SEMA6D: variants seen among roughly 807,000 people sequenced by gnomAD.
SEMA6D encodes semaphorin-6D.
A neutral mutation model predicts 106.6 loss-of-function variants in SEMA6D; 35 were observed. That is an observed-to-expected ratio of 0.33 (90% confidence interval 0.25 to 0.44). SEMA6D has a LOEUF of 0.44. Ranked by LOEUF, SEMA6D falls within the 20% of genes least tolerant of loss-of-function variation. The pLI, the probability that SEMA6D is intolerant of heterozygous loss-of-function variation, is 1.00. For missense variants in SEMA6D, 1,185 were observed against 1,345.9 expected (o/e 0.88, Z 1.87); for synonymous variants, 499 against 487.7 (o/e 1.02, Z -0.31).
At position 47,302,677 on chromosome 15, in the gene SEMA6D, G is replaced by A. The variant is rs192786675; in HGVS notation, c.-238-109716G>A. On this transcript the variant is annotated intron_variant, in intron 1 of 19. Coordinates refer to the SEMA6D transcript ENST00000558014. ...GAAGCAACGCTAGAGAGATACAGTA[G>A]GAGAAGGATTCAACTTGTCTTCGAC... Among the ~76,000 whole-genome samples, 12 of 152,286 alleles carry A rather than the reference G, an allele frequency of 7.9e-5. No individual in the cohort carries two copies. In the East Asian group the frequency reaches 2.3e-3, roughly 29 times the overall value.
chr15:47,184,745 C>T (rs1893429245), intron 1 of SEMA6D, among the ~76,000 whole-genome samples: 1 of 152,242 alleles, frequency 6.6e-6, no homozygotes, highest in African/African-American at 2.4e-5. Context: ...GTGGCCCCAC[C>T]TCTTGCCCCC....
chr15:47,632,114 T>G (rs1438246305), intron 4 of SEMA6D, among the ~76,000 whole-genome samples: 1 of 148,200 alleles, frequency 6.7e-6, no homozygotes, highest in Non-Finnish European at 1.5e-5. Context: ...CTGTTTTTTG[T>G]TTTTTAGATT....
intron 1 of SEMA6D, chr15:47,338,975 T>C (rs1168428942): frequency 6.6e-6 from 1 of 152,206 alleles, no homozygotes; most frequent in East Asian, 1.9e-4. Context: ...AGACAGACTT[T>C]GCTGGGTTTA....
At chr15:47,709,921 C>T (rs181457232) in intron 4 of SEMA6D, among the ~76,000 whole-genome samples, 2 of 151,558 alleles carry the variant, frequency 1.3e-5, no homozygotes, top group East Asian at 3.9e-4. Context: ...TTGATTGTTC[C>T]TTTATTACAT....
chr15:47,425,071 T>G (rs1050034763), intron 2 of SEMA6D, among the ~76,000 whole-genome samples: 3 of 152,104 alleles, frequency 2.0e-5, no homozygotes, highest in Non-Finnish European at 4.4e-5. Flanking sequence ...TGAACTTGTC[T>G]TATTATGCAG....
At chr15:47,567,858 T>C (rs577961940) in intron 3 of SEMA6D, among the ~76,000 whole-genome samples, 31 of 152,218 alleles carry the variant, frequency 2.0e-4, no homozygotes, top group African/African-American at 7.2e-4. Context: ...AAAGAATGAA[T>C]GAATGAAATC....
chr15:47,446,347 C>T (rs571661365), intron 2 of SEMA6D, among the ~76,000 whole-genome samples: 12 of 152,216 alleles, frequency 7.9e-5, no homozygotes, highest in Middle Eastern at 3.4e-3. Flanking sequence ...CTGTTCTTTG[C>T]GGGTCCCAAG....
chr15:47,268,023 G>A (rs1196800829), intron 1 of SEMA6D, among the ~76,000 whole-genome samples: 2 of 152,048 alleles, frequency 1.3e-5, no homozygotes, highest in Middle Eastern at 3.2e-3. Flanking sequence ...ATATACTGGT[G>A]TTATCTGGAA....
intron 1 of SEMA6D, among the ~76,000 whole-genome samples, chr15:47,316,243 C>T (rs1423354998): frequency 6.6e-6 from 1 of 151,758 alleles, no homozygotes; most frequent in Admixed American, 6.6e-5. Context: ...CAGGCACCCG[C>T]CACCACGCCT....
At chr15:47,569,826 C>A (rs1355763044) in intron 3 of SEMA6D, among the ~76,000 whole-genome samples, 2 of 152,218 alleles carry the variant, frequency 1.3e-5, no homozygotes, top group African/African-American at 4.8e-5. Flanking sequence ...TTTGGGAGAA[C>A]AAGGCGGGTG....
At chr15:47,569,949 T>C (rs1184588849) in intron 3 of SEMA6D, among the ~76,000 whole-genome samples, 1 of 151,566 alleles carries the variant, frequency 6.6e-6, no homozygotes, top group African/African-American at 2.4e-5. Context: ...TAATCCCAGC[T>C]ACTCAGGAGG....
intron 1 of SEMA6D, among the ~76,000 whole-genome samples, chr15:47,750,189 C>T (rs1273723446): frequency 2.0e-5 from 3 of 151,992 alleles, no homozygotes; most frequent in Non-Finnish European, 2.9e-5. Context: ...AGGGGAATGG[C>T]TGTTTGTTTA....
intron 3 of SEMA6D, among the ~76,000 whole-genome samples, chr15:47,529,618 A>AAAAC (rs1316089667): frequency 5.9e-5 from 9 of 151,482 alleles, no homozygotes; most frequent in Admixed American, 4.6e-4. Context: ...AAAAAAAAAA[A>AAAAC]AACAAGTCAT....
chr15:47,704,235 C>A (rs931729308), intron 4 of SEMA6D, among the ~76,000 whole-genome samples: 7 of 152,112 alleles, frequency 4.6e-5, no homozygotes, highest in Admixed American at 4.6e-4. Flanking sequence ...ATGCTCCCTC[C>A]TCAGCCTCCC....
At chr15:47,639,472 A>G (rs2077450837) in intron 4 of SEMA6D, among the ~76,000 whole-genome samples, 1 of 152,266 alleles carries the variant, frequency 6.6e-6, no homozygotes, top group South Asian at 2.1e-4. Flanking sequence ...CAAATAATTA[A>G]TGGAGGTTCT....
intron 2 of SEMA6D, among the ~76,000 whole-genome samples, chr15:47,436,651 C>T (rs1595991010): frequency 6.7e-6 from 1 of 150,308 alleles, no homozygotes; most frequent in Non-Finnish European, 1.5e-5. Flanking sequence ...ATATTTTAGG[C>T]TGGGCATAGT....
At chr15:47,316,241 C>T (rs1049204226) in intron 1 of SEMA6D, among the ~76,000 whole-genome samples, 6 of 151,526 alleles carry the variant, frequency 4.0e-5, no homozygotes, top group African/African-American at 9.7e-5. Context: ...TACAGGCACC[C>T]GCCACCACGC....
At chr15:47,608,467 G>C (rs185980026) in intron 4 of SEMA6D, among the ~76,000 whole-genome samples, 21 of 152,272 alleles carry the variant, frequency 1.4e-4, no homozygotes, top group African/African-American at 5.1e-4. Flanking sequence ...TGATTTGCTA[G>C]ATTTTCATTA....
intron 3 of SEMA6D, among the ~76,000 whole-genome samples, chr15:47,578,658 C>T (rs1026182506): frequency 8.5e-5 from 13 of 152,076 alleles, no homozygotes; most frequent in African/African-American, 3.1e-4. Context: ...TATATGCCAC[C>T]TATATGGCAC....
Sources: allele counts gnomAD v4.1 joint callset (sites outside exome capture counted in the v4.1 genomes callset), GRCh38; gene constraint gnomAD v4.1.1; transcripts MANE v1.5; gene names NCBI Gene and HGNC (gene_info 2026-07-23, HGNC 2026-07-21).